SHISA9: variants seen among roughly 807,000 people sequenced by gnomAD.
The protein encoded by SHISA9 is shisa family member 9.
In SHISA9, 13 loss-of-function variants were observed where a neutral mutation model predicts 38.0. The ratio of observed to expected loss-of-function variants is 0.34; its 90% CI spans 0.22 to 0.54. SHISA9 has a LOEUF of 0.54. SHISA9 is among the 20% of genes least tolerant of loss of function. SHISA9 has a pLI of 0.91. For synonymous variants in SHISA9, 275 were observed against 242.0 expected, an observed-to-expected ratio of 1.14 and a Z score of -1.27; for missense variants, 538 against 575.8, an observed-to-expected ratio of 0.93 and a Z score of 0.67.
intron 2 of SHISA9, among the ~76,000 whole-genome samples, chr16:13,126,257 G>A (rs1192214951): frequency 1.3e-5 from 2 of 152,144 alleles, no homozygotes; most frequent in Middle Eastern, 3.2e-3. Flanking sequence ...CTATCATAAC[G>A]CTGACCTCAC....
the SHISA9 span, among the ~76,000 whole-genome samples, chr16:13,341,596 A>G: frequency 5.3e-5 from 8 of 152,208 alleles, no homozygotes. Context: ...CAGACAACCT[A>G]TCAGGTCAGG....
intron 2 of SHISA9, among the ~76,000 whole-genome samples, chr16:13,145,225 G>A (rs2141999552): frequency 6.6e-6 from 1 of 152,200 alleles, no homozygotes; most frequent in South Asian, 2.1e-4. Context: ...CCCAATTCTA[G>A]CACTTAGTAG....
At chr16:13,289,756 A>G in the SHISA9 span, among the ~76,000 whole-genome samples, 1 of 152,158 alleles carries the variant, frequency 6.6e-6, no homozygotes, top group Non-Finnish European at 1.5e-5. Context: ...GAGTTTCAGA[A>G]TGAATCTGCA....
chr16:13,271,764 A>G, the SHISA9 span, among the ~76,000 whole-genome samples: 1 of 151,998 alleles, frequency 6.6e-6, no homozygotes, highest in East Asian at 1.9e-4. Flanking sequence ...AGGATGAGGG[A>G]TCTTATGGGG....
At chr16:13,529,406 T>C in the SHISA9 span, among the ~76,000 whole-genome samples, 4 of 152,180 alleles carry the variant, frequency 2.6e-5, no homozygotes, top group African/African-American at 9.7e-5. Flanking sequence ...CCTTTAATCA[T>C]TTGCAAATTA....
At chr16:12,907,208 CCCTTCCTTGCTT>C (rs1458771385) in intron 1 of SHISA9, among the ~76,000 whole-genome samples, 1 of 133,204 alleles carries the variant, frequency 7.5e-6, no homozygotes, top group African/African-American at 2.9e-5. Context: ...CTCCCTCCCT[CCCTTCCTTGCTT>C]CCTTCCTCCT....
chr16:13,087,056 ATGCGGTGTT>A (rs1002833803), intron 2 of SHISA9, among the ~76,000 whole-genome samples: 2 of 148,606 alleles, frequency 1.3e-5, no homozygotes, highest in African/African-American at 5.0e-5. Flanking sequence ...GAGTGAGAAC[ATGCGGTGTT>A]TGGTTTTCTG....
intron 1 of SHISA9, among the ~76,000 whole-genome samples, chr16:12,905,787 T>C (rs147549799): frequency 0.011 from 1,661 of 152,144 alleles, 9 homozygotes; most frequent in Middle Eastern, 0.034. Flanking sequence ...AGAGACAGGG[T>C]TCCACCTGGC....
intron 2 of SHISA9, among the ~76,000 whole-genome samples, chr16:13,168,181 C>T (rs1361520930): frequency 3.3e-5 from 5 of 152,178 alleles, no homozygotes; most frequent in African/African-American, 7.2e-5. Flanking sequence ...CAACCACCTC[C>T]GTTATGGGCT....
intron 2 of SHISA9, among the ~76,000 whole-genome samples, chr16:13,118,593 C>T (rs140319583): frequency 1.3e-5 from 2 of 152,140 alleles, no homozygotes; most frequent in African/African-American, 2.4e-5. Context: ...GTAAGTGAGT[C>T]TGGGGCAGGC....
At chr16:13,248,279 A>G in the SHISA9 span, among the ~76,000 whole-genome samples, 1 of 152,160 alleles carries the variant, frequency 6.6e-6, no homozygotes, top group African/African-American at 2.4e-5. Context: ...AATTCATTCA[A>G]CAAATACAGA....
At chr16:13,274,032 C>G in the SHISA9 span, among the ~76,000 whole-genome samples, 1 of 152,130 alleles carries the variant, frequency 6.6e-6, no homozygotes, top group Admixed American at 6.6e-5. Flanking sequence ...TGAAAAAAAT[C>G]ACTTAACATC....
chr16:13,424,089 C>T, the SHISA9 span, among the ~76,000 whole-genome samples: 2,066 of 152,330 alleles, frequency 0.014, 20 homozygotes, highest in Middle Eastern at 0.034. Context: ...CATTCACTGG[C>T]CCCACACAGT....
chr16:12,996,556 C>T (rs75255647), intron 2 of SHISA9, among the ~76,000 whole-genome samples: 1,959 of 152,304 alleles, frequency 0.013, 12 homozygotes, highest in South Asian at 0.027. Context: ...ATCTCCACTC[C>T]TACAATTCAT....
intron 4 of SHISA9, among the ~76,000 whole-genome samples, chr16:13,214,163 A>G (rs1567251383): frequency 6.6e-6 from 1 of 152,158 alleles, no homozygotes; most frequent in African/African-American, 2.4e-5. Flanking sequence ...TTGGTGGAGA[A>G]GTAACTGACC....
chr16:13,462,961 T>TA, the SHISA9 span, among the ~76,000 whole-genome samples: 1 of 125,356 alleles, frequency 8.0e-6, no homozygotes, highest in African/African-American at 2.7e-5. Context: ...GACTCCATCT[T>TA]AAAAAATAAA....
At chr16:13,350,990 G>T in the SHISA9 span, among the ~76,000 whole-genome samples, 1 of 152,122 alleles carries the variant, frequency 6.6e-6, no homozygotes, top group Non-Finnish European at 1.5e-5. Flanking sequence ...AGGTTTTCCC[G>T]AACAGTAAAT....
At chr16:13,493,378 A>G in the SHISA9 span, among the ~76,000 whole-genome samples, 2 of 152,350 alleles carry the variant, frequency 1.3e-5, no homozygotes, top group African/African-American at 4.8e-5. Context: ...ACCAAGATGC[A>G]GGATTGCAAT....
At chr16:12,908,547 A>G (rs1205254508) in intron 1 of SHISA9, 2 of 1,551,830 alleles carry the variant, frequency 1.3e-6, no homozygotes, top group Non-Finnish European at 8.7e-7. Context: ...GCCCCTGGAG[A>G]GTGGAGTGTC....
Sources: gnomAD v4.1 joint callset for allele counts (sites outside exome capture counted in the v4.1 genomes callset) on GRCh38, gnomAD v4.1.1 for gene constraint, MANE v1.5 for transcripts, NCBI Gene and HGNC (gene_info 2026-07-23, HGNC 2026-07-21) for gene names.